The following TMEM255A variants were observed in gnomAD, a reference collection of about 807,000 sequenced individuals.
TMEM255A encodes family with sequence similarity 70, member A.
A neutral mutation model predicts 23.5 loss-of-function variants in TMEM255A; 14 were observed. The ratio of observed to expected loss-of-function variants is 0.60; its 90% CI spans 0.39 to 0.93. TMEM255A has a LOEUF of 0.93. TMEM255A is among the 40% of genes least tolerant of loss of function. The probability of loss-of-function intolerance (pLI) is 0.00; values close to 1 mark genes in which losing one functional copy is unlikely to be tolerated. For missense variants in TMEM255A, 233 were observed against 261.7 expected, an observed-to-expected ratio of 0.89 and a Z score of 0.76; for synonymous variants, 104 against 100.3, an observed-to-expected ratio of 1.04 and a Z score of -0.22.
chrX:120,268,724 T>C (rs2057733718), intron 7 of TMEM255A, among the ~76,000 whole-genome samples: 1 of 111,819 alleles, frequency 8.9e-6, no homozygotes, highest in Non-Finnish European at 1.9e-5. Flanking sequence ...AGGAGGTATA[T>C]AGGGATTCTT....
downstream of TMEM255A, chrX:120,254,757 G>A (rs1032127603): frequency 1.7e-6 from 2 of 1,210,011 alleles, no homozygotes; most frequent in African/African-American, 3.5e-5. Flanking sequence ...AGTGATCCCT[G>A]TCAAAGATGA....
chrX:120,305,604 G>A (rs1477778452), intron 1 of TMEM255A, among the ~76,000 whole-genome samples: 1 of 108,761 alleles, frequency 9.2e-6, no homozygotes, highest in Non-Finnish European at 1.9e-5. Context: ...GTCATTCTGG[G>A]AGACCTCACT....
intron 8 of TMEM255A, among the ~76,000 whole-genome samples, chrX:120,264,164 G>A (rs782041071): frequency 2.0e-4 from 22 of 111,409 alleles, no homozygotes; most frequent in Non-Finnish European, 3.4e-4. Flanking sequence ...ACCTTGAGGG[G>A]TTTATAAATA....
At chrX:120,251,860 G>A in the TMEM255A span, among the ~76,000 whole-genome samples, 5 of 112,351 alleles carry the variant, frequency 4.5e-5, no homozygotes, top group African/African-American at 1.6e-4. Context: ...ACCTGGACAC[G>A]TACATTTGAC....
intron 2 of TMEM255A, among the ~76,000 whole-genome samples, chrX:120,298,872 G>A (rs1198243199): frequency 2.5e-5 from 2 of 81,608 alleles, no homozygotes; most frequent in African/African-American, 5.0e-5. Context: ...ATAGAACAGA[G>A]CACCTAGAGA....
rs35761883 is a variant in TMEM255A at position 120,260,343 on chromosome X, CT to C, written c.*526del. ...GGAAGGAGTAAGAGATACGGGCAGT[CT>C]TTTTCAACATCCAGACACAAGCAAA... On this transcript the variant is annotated 3_prime_UTR_variant, in exon 9 of 9. Transcript: ENST00000371369. 1 of 226,597 alleles carries C rather than the reference CT, an allele frequency of 4.4e-6. No individual in the cohort carries two copies. Among genetic ancestry groups the C allele is most frequent in the Non-Finnish European group, 6.4e-6 (1 of 156,672 alleles). The allele number at this position is 226,597 out of a possible 1,213,427, so 18.7% of individuals were successfully genotyped here.
chrX:120,290,887 C>T (rs1418194584), intron 4 of TMEM255A, among the ~76,000 whole-genome samples: 2 of 111,534 alleles, frequency 1.8e-5, no homozygotes, highest in Admixed American at 9.5e-5. Flanking sequence ...CTCTCTACCC[C>T]GTTGCCCCCA....
Position 120,300,211 on chromosome X carries a change from C to T in TMEM255A, c.201+4138G>A, listed in dbSNP as rs1479568331. 3.6e-5 allele frequency among the ~76,000 whole-genome samples: 4 copies of T among 111,194 alleles called. No individual in the cohort carries two copies. The Admixed American group carries it at 3.8e-4, about 11-fold the overall frequency. On this transcript the variant is annotated intron_variant, in intron 2 of 8. Transcript: ENST00000371369. ...GAGGTGTACCGGGAAGCAGCAATCACCCTCCCCTGTCTCTTTCAGCTTCAG... is the reference window on the plus strand; with the variant it reads ...GAGGTGTACCGGGAAGCAGCAATCATCCTCCCCTGTCTCTTTCAGCTTCAG...
chrX:120,266,875 G>T (rs1483380090), intron 8 of TMEM255A, among the ~76,000 whole-genome samples: 7 of 112,094 alleles, frequency 6.2e-5, no homozygotes, highest in Non-Finnish European at 1.3e-4. Context: ...ACCTATTTGG[G>T]TAACAAGTTA....
chrX:120,261,279 C>T (rs1473285364), intron 8 of TMEM255A, among the ~76,000 whole-genome samples: 1 of 111,732 alleles, frequency 8.9e-6, no homozygotes, highest in Non-Finnish European at 1.9e-5. Flanking sequence ...ATTGCCAAAT[C>T]CTGTTGCTTC....
At chrX:120,285,850 C>T in intron 5 of TMEM255A, 3 of 1,201,614 alleles carry the variant, frequency 2.5e-6, no homozygotes, top group South Asian at 1.8e-5. Context: ...TTTGAGTTAG[C>T]AAAAAGGTTT....
At chrX:120,273,176 T>C in intron 7 of TMEM255A, 1 of 188,700 alleles carries the variant, frequency 5.3e-6, no homozygotes, top group Non-Finnish European at 1.0e-5. Flanking sequence ...CAACGCTACT[T>C]TTGAAGATCA....
intron 7 of TMEM255A, among the ~76,000 whole-genome samples, 154 bp from the exon 8 acceptor site, chrX:120,268,541 A>G (rs2057732695): frequency 8.9e-6 from 1 of 112,073 alleles, no homozygotes; most frequent in Non-Finnish European, 1.9e-5. Flanking sequence ...ATATATTTTT[A>G]TGTTTTAAAA....
intron 5 of TMEM255A, chrX:120,285,598 C>T (rs1440050377): frequency 1.4e-5 from 17 of 1,209,061 alleles, no homozygotes; most frequent in East Asian, 5.9e-5. Flanking sequence ...GAGGAGCCGG[C>T]GCATGCACTC....
At chrX:120,303,341 T>C (rs1205141899) in intron 2 of TMEM255A, among the ~76,000 whole-genome samples, 5 of 111,249 alleles carry the variant, frequency 4.5e-5, no homozygotes, top group Non-Finnish European at 7.6e-5. Context: ...TGAACTATCC[T>C]TCTGGAGGAG....
chrX:120,305,656 G>A (rs782167388), intron 1 of TMEM255A, among the ~76,000 whole-genome samples: 1 of 106,887 alleles, frequency 9.4e-6, no homozygotes, highest in African/African-American at 3.4e-5. Context: ...CATGCAGACT[G>A]CTCCATGGGG....
At chrX:120,263,807 C>T (rs1367199518) in intron 8 of TMEM255A, among the ~76,000 whole-genome samples, 7 of 96,058 alleles carry the variant, frequency 7.3e-5, no homozygotes, top group Non-Finnish European at 1.2e-4. Flanking sequence ...AGCGGGGTGG[C>T]GGGCGGGTGG....
chrX:120,310,223 A>G (rs1227924691), intron 1 of TMEM255A: 2 of 112,227 alleles, frequency 1.8e-5, no homozygotes, highest in Non-Finnish European at 3.8e-5. Flanking sequence ...TTAAAAGATT[A>G]GGTGGGATCA....
chrX:120,305,334 C>T (rs782207281), intron 1 of TMEM255A, among the ~76,000 whole-genome samples: 2 of 109,341 alleles, frequency 1.8e-5, no homozygotes, highest in Admixed American at 9.7e-5. Context: ...TTAAAGGAAC[C>T]GAGCACTGTC....
Sources: allele counts gnomAD v4.1 joint callset (sites outside exome capture counted in the v4.1 genomes callset), GRCh38; gene constraint gnomAD v4.1.1; transcripts MANE v1.5; gene names NCBI Gene and HGNC (gene_info 2026-07-23, HGNC 2026-07-21).